STK32B: variants seen among roughly 807,000 people sequenced by gnomAD.
STK32B encodes the protein serine/threonine-protein kinase 32B.
A neutral mutation model predicts 52.6 loss-of-function variants in STK32B; 43 were observed. The ratio of observed to expected loss-of-function variants is 0.82; its 90% CI spans 0.64 to 1.05. The LOEUF is 1.05. Among genes scored for constraint, STK32B ranks in the 50% least tolerant of loss-of-function variants. STK32B has a pLI of 0.00. For synonymous variants in STK32B, 238 were observed against 204.3 expected (o/e 1.17, Z -1.41); for missense variants, 621 against 534.6 (o/e 1.16, Z -1.59).
At chr4:5,271,050 G>A (rs1727395917) in intron 3 of STK32B, among the ~76,000 whole-genome samples, 1 of 151,544 alleles carries the variant, frequency 6.6e-6, no homozygotes, top group Non-Finnish European at 1.5e-5. Flanking sequence ...CAATTCTCCT[G>A]CCTCAGCCTC....
Position 5,469,092 on chromosome 4 carries a change from G to C in STK32B, c.1106+1022G>C, listed in dbSNP as rs947927526. Among the ~76,000 whole-genome samples the C allele has an allele frequency of 6.6e-6, 1 of 152,058 alleles. No homozygotes were observed. The highest frequency in any genetic ancestry group is 1.5e-5 in the Non-Finnish European group (1 of 68,030). The stretch of plus-strand genomic sequence containing the variant: ...ATTATCTAGGGGATTTGTGGCTGTG[G>C]CTGACTTGTCAGAGCTGGGGCTCCA... On this transcript the variant is annotated intron_variant, in intron 11 of 11. Transcript: ENST00000282908. This position sits in a 1 kb window ranked among gnomAD's most constrained non-coding sequence, Gnocchi z 4.7.
chr4:5,146,892 G>A (rs1051248741), intron 2 of STK32B, among the ~76,000 whole-genome samples: 1 of 151,978 alleles, frequency 6.6e-6, no homozygotes, highest in African/African-American at 2.4e-5. Flanking sequence ...GATTGTTTTG[G>A]ATATTCTAGA....
At position 5,500,211 on chromosome 4, in the gene STK32B, G is replaced by GCTA. The variant is rs1432926274; in HGVS notation, c.*1132_*1134dup. On this transcript the variant is annotated 3_prime_UTR_variant, in exon 12 of 12. Transcript: ENST00000282908. ...TTGTGTTCAGAATCCAGCCCTGCTG[G>GCTA]CTACTAACTAACTGGGAGACCTTAG... is the stretch of plus-strand genomic sequence containing the variant. 1 of 147,750 alleles carries GCTA rather than the reference G, an allele frequency of 6.8e-6. No homozygotes were observed. The highest frequency in any genetic ancestry group is 1.5e-5 in the Non-Finnish European group (1 of 67,260). The allele number at this position is 147,750 out of a possible 1,614,324, so 9.2% of individuals were successfully genotyped here.
Position 5,058,204 on chromosome 4 carries a change from T to C in STK32B, c.52+6289T>C, listed in dbSNP as rs888341393. Among the ~76,000 whole-genome samples the C allele has an allele frequency of 6.6e-6, 1 of 152,230 alleles. No homozygotes were observed. Among genetic ancestry groups the C allele is most frequent in the Admixed American group, 6.5e-5 (1 of 15,286 alleles). ...ATTCTTTCAGTGCGGGACATTATCC[T>C]GTTTCAACGTGGGAACATTATCACT... On this transcript the variant is annotated intron_variant, in intron 1 of 11. Coordinates refer to ENST00000282908, the MANE Select transcript of STK32B (RefSeq NM_018401.3). The surrounding 1 kb of genome is among the most constrained non-coding windows in gnomAD (Gnocchi z 4.8).
chr4:5,399,280 C>T lies in STK32B; in HGVS notation c.472+1036C>T, dbSNP rs1285014673. On this transcript the variant is annotated intron_variant, in intron 5 of 11. Transcript: ENST00000282908. The surrounding 1 kb of genome is among the most constrained non-coding windows in gnomAD (Gnocchi z 5.4). ...GAGGCCTTCAGGGATGAATGAGTCA[C>T]ATTTTCTACGCAGCTCCCCCACCCT... 2.6e-5 allele frequency among the ~76,000 whole-genome samples: 4 copies of T among 152,154 alleles called. No individual in the cohort carries two copies. Among genetic ancestry groups the T allele is most frequent in the African/African-American group, 9.7e-5 (4 of 41,444 alleles).
intron 7 of STK32B, among the ~76,000 whole-genome samples, chr4:5,455,476 G>A (rs940856890): frequency 6.6e-6 from 1 of 152,228 alleles, no homozygotes; most frequent in African/African-American, 2.4e-5. Flanking sequence ...GGAGATAAGG[G>A]GAGTTCATTC....
At chr4:5,190,070 G>A (rs1334539583) in intron 3 of STK32B, among the ~76,000 whole-genome samples, 1 of 152,078 alleles carries the variant, frequency 6.6e-6, no homozygotes, top group African/African-American at 2.4e-5. Context: ...CACTCACACC[G>A]ACCCACACTG....
rs1409921912 is a variant in STK32B at position 5,470,133 on chromosome 4, T to C, written c.1106+2063T>C. ...TCTTCCTTTTAAAAGGAAGTGAGAA[T>C]GAGACATCCTTCCCTGTGTCATTTA... On this transcript the variant is annotated intron_variant, in intron 11 of 11. Transcript: ENST00000282908. This position sits in a 1 kb window ranked among gnomAD's most constrained non-coding sequence, Gnocchi z 4.6. 6.6e-6 allele frequency among the ~76,000 whole-genome samples: 1 copy of C among 152,164 alleles called. No individual in the cohort carries two copies. Among genetic ancestry groups the C allele is most frequent in the Non-Finnish European group, 1.5e-5 (1 of 68,030 alleles).
intron 3 of STK32B, among the ~76,000 whole-genome samples, chr4:5,236,283 A>G (rs538792409): frequency 2.6e-5 from 4 of 152,252 alleles, no homozygotes; most frequent in African/African-American, 9.6e-5. Flanking sequence ...AAAGACCTAC[A>G]ATCAAGCCTC....
chr4:5,498,683 G>A (rs1250134556), intron 11 of STK32B, among the ~76,000 whole-genome samples: 1 of 152,188 alleles, frequency 6.6e-6, no homozygotes. Flanking sequence ...AATACAAGAT[G>A]GGAATTATTA....
rs138067378 is a variant in STK32B, at chr4:5,324,449, G to A, written c.261-6771G>A. Among the ~76,000 whole-genome samples the A allele has an allele frequency of 2.0e-3, 305 of 152,288 alleles. 1 individual carries two copies. Among genetic ancestry groups the A allele is most frequent in the African/African-American group, 7.0e-3 (290 of 41,560 alleles). On this transcript the variant is annotated intron_variant, in intron 3 of 11. Coordinates refer to ENST00000282908, the MANE Select transcript of STK32B (RefSeq NM_018401.3). The stretch of plus-strand genomic sequence containing the variant: ...AACTGTTATTATTATAAGGGACTAG[G>A]GGGTCACCTGCCTCAGTTTCCGGGG...
intron 6 of STK32B, among the ~76,000 whole-genome samples, chr4:5,441,945 T>A (rs1473148187): frequency 1.9e-4 from 25 of 130,044 alleles, no homozygotes; most frequent in African/African-American, 6.5e-4. Context: ...GAGTTCTAGT[T>A]TGATTGCACT....
At chr4:5,415,523 C>G (rs908074327) in intron 5 of STK32B, among the ~76,000 whole-genome samples, 2 of 152,166 alleles carry the variant, frequency 1.3e-5, no homozygotes, top group African/African-American at 4.8e-5. Context: ...CCTGAGGAAG[C>G]CCCAGAGGCT....
chr4:5,298,081 C>T (rs1729319949), intron 3 of STK32B, among the ~76,000 whole-genome samples: 2 of 152,170 alleles, frequency 1.3e-5, no homozygotes, highest in East Asian at 1.9e-4. Flanking sequence ...AGGTCCACTC[C>T]AGACCCCATT....
At chr4:5,238,735 T>C (rs945874810) in intron 3 of STK32B, among the ~76,000 whole-genome samples, 1 of 152,160 alleles carries the variant, frequency 6.6e-6, no homozygotes, top group African/African-American at 2.4e-5. Context: ...CCGTAATAAA[T>C]TTTTCATTCA....
chr4:5,486,001 C>T lies in STK32B; in HGVS notation c.1107-12944C>T, dbSNP rs187595538. Among the ~76,000 whole-genome samples, 1,195 of 152,272 alleles carry T rather than the reference C, an allele frequency of 7.8e-3. 18 individuals are homozygous for T. Among genetic ancestry groups the T allele is most frequent in the African/African-American group, 0.027 (1,133 of 41,556 alleles). The stretch of plus-strand genomic sequence containing the variant: ...GTGAGGTGTCAGTCTGCCCCTACTG[C>T]GGGGTGCCTCCCAGTTAGGCTACTC... On this transcript the variant is annotated intron_variant, in intron 11 of 11. Transcript: ENST00000282908.
chr4:5,258,524 T>C (rs1726484490), intron 3 of STK32B, among the ~76,000 whole-genome samples: 1 of 152,170 alleles, frequency 6.6e-6, no homozygotes, highest in South Asian at 2.1e-4. Context: ...AGCTCTTGGC[T>C]GCTCCCAGAA....
intron 6 of STK32B, among the ~76,000 whole-genome samples, chr4:5,435,036 G>T (rs992878160): frequency 6.6e-6 from 1 of 152,114 alleles, no homozygotes; most frequent in Non-Finnish European, 1.5e-5. Context: ...TTCATCCATG[G>T]CCTATGGTGC....
intron 1 of STK32B, among the ~76,000 whole-genome samples, chr4:5,079,872 A>G (rs1328909519): frequency 6.6e-6 from 1 of 152,196 alleles, no homozygotes; most frequent in African/African-American, 2.4e-5. Flanking sequence ...CAGAAAGACA[A>G]ATACTCCATG....
Sources: gnomAD v4.1 joint callset for allele counts (sites outside exome capture counted in the v4.1 genomes callset) on GRCh38, gnomAD v4.1.1 for gene constraint, Gnocchi (gnomAD v3.1) non-coding constraint, MANE v1.5 for transcripts, NCBI Gene and HGNC (gene_info 2026-07-23, HGNC 2026-07-21) for gene names.